The following API5 variants were observed in gnomAD, a reference collection of about 807,000 sequenced individuals.
API5 encodes FIF.
API5 carries 6 observed loss-of-function variants against 71.9 expected under a neutral mutation model. The observed-to-expected ratio is 0.08, with a 90% CI of 0.05 to 0.16. The LOEUF (loss-of-function observed/expected upper bound fraction) is 0.16. API5 is among the 10% of genes least tolerant of loss of function. The pLI is 1.00. For missense variants in API5, 332 were observed against 612.8 expected, an observed-to-expected ratio of 0.54 and a Z score of 4.84; for synonymous variants, 189 against 221.3, an observed-to-expected ratio of 0.85 and a Z score of 1.30.
intron 11 of API5, among the ~76,000 whole-genome samples, chr11:43,332,660 A>G (rs893760760): frequency 6.6e-6 from 1 of 151,990 alleles, no homozygotes; most frequent in African/African-American, 2.4e-5. Context: ...TTCATATTCC[A>G]TCCTGGAACA....
intron 5 of API5, among the ~76,000 whole-genome samples, chr11:43,322,585 C>T (rs1328307192): frequency 1.3e-5 from 2 of 152,202 alleles, no homozygotes; most frequent in African/African-American, 4.8e-5. Context: ...TTGCTCCCAG[C>T]ATCTAGCATA....
intron 13 of API5, among the ~76,000 whole-genome samples, chr11:43,337,007 CAAAAAA>C (rs559170436): frequency 1.5e-5 from 1 of 66,860 alleles, no homozygotes; most frequent in East Asian, 5.6e-4. Flanking sequence ...GACTCCGTCT[CAAAAAA>C]AAAAAAAAAA....
chr11:43,334,854 A>G (rs769054167), intron 11 of API5, among the ~76,000 whole-genome samples: 6 of 152,140 alleles, frequency 3.9e-5, no homozygotes, highest in Non-Finnish European at 8.8e-5. Context: ...TGCTGGCAGT[A>G]AAGCTTTAGA....
At chr11:43,320,076 T>C (rs185877333) in intron 2 of API5, among the ~76,000 whole-genome samples, 1 of 149,104 alleles carries the variant, frequency 6.7e-6, no homozygotes, top group Non-Finnish European at 1.5e-5. Flanking sequence ...GAAGGAGCCT[T>C]ACTCTATTGG....
At chr11:43,326,059 C>T (rs1855061176) in intron 6 of API5, among the ~76,000 whole-genome samples, 1 of 152,120 alleles carries the variant, frequency 6.6e-6, no homozygotes, top group Non-Finnish European at 1.5e-5. Flanking sequence ...TAGGCATCCA[C>T]CTTAAAGTCC....
At chr11:43,331,186 G>A (rs1855240847) in intron 11 of API5, 1 of 152,590 alleles carries the variant, frequency 6.6e-6, no homozygotes, top group Non-Finnish European at 1.5e-5. Context: ...AATAATTATA[G>A]TTGACCCTTG....
chr11:43,314,777 T>C (rs1854612836), intron 1 of API5, among the ~76,000 whole-genome samples: 1 of 152,234 alleles, frequency 6.6e-6, no homozygotes, highest in Non-Finnish European at 1.5e-5. Flanking sequence ...CTACTAATTC[T>C]GCTCTGTTGG....
At chr11:43,316,304 A>G (rs1328616946) in intron 1 of API5, among the ~76,000 whole-genome samples, 1 of 152,194 alleles carries the variant, frequency 6.6e-6, no homozygotes, top group Admixed American at 6.5e-5. Context: ...TAGACCTTCA[A>G]TAAATATTGT....
intron 7 of API5, among the ~76,000 whole-genome samples, 160 bp downstream of exon 7, chr11:43,326,771 CTTCATGGA>C (rs1855090822): frequency 6.6e-6 from 1 of 152,204 alleles, no homozygotes; most frequent in African/African-American, 2.4e-5. Flanking sequence ...ATTAGGACTG[CTTCATGGA>C]TTCAATTAAA....
chr11:43,327,917 A>G (rs763015663), intron 8 of API5, 39 bp downstream of exon 8: 3 of 1,299,836 alleles, frequency 2.3e-6, no homozygotes, highest in South Asian at 2.7e-5. Flanking sequence ...TAGTCAGTAT[A>G]TAGCTCAAAG....
intron 11 of API5, among the ~76,000 whole-genome samples, chr11:43,333,579 ATGAC>A (rs1429705535): frequency 6.6e-6 from 1 of 152,226 alleles, no homozygotes; most frequent in Non-Finnish European, 1.5e-5. Context: ...AGATAGATAT[ATGAC>A]TGGCTACTAT....
intron 13 of API5, among the ~76,000 whole-genome samples, chr11:43,339,831 C>T (rs141923300): frequency 2.9e-4 from 44 of 152,134 alleles, no homozygotes; most frequent in Non-Finnish European, 4.4e-4. Flanking sequence ...ACCTGATTTT[C>T]GAAATTGATT....
At chr11:43,318,409 A>G (rs1263973840) in intron 1 of API5, 1 of 1,528,708 alleles carries the variant, frequency 6.5e-7, no homozygotes, top group East Asian at 2.4e-5. Flanking sequence ...TGCTTTTTCC[A>G]CTTAAAATTA....
At chr11:43,319,612 C>T (rs962594306) in intron 2 of API5, among the ~76,000 whole-genome samples, 3 of 152,058 alleles carry the variant, frequency 2.0e-5, no homozygotes, top group Admixed American at 2.0e-4. Flanking sequence ...AGGGTCTTGC[C>T]ATGTTGTCCA....
chr11:43,323,774 T>A, intron 6 of API5, 138 bp downstream of exon 6: 1 of 830,384 alleles, frequency 1.2e-6, no homozygotes, highest in Non-Finnish European at 1.8e-6. Flanking sequence ...TGTATTCAGA[T>A]TTTTGAATAT....
At chr11:43,340,051 A>G (rs1306077845) in intron 13 of API5, among the ~76,000 whole-genome samples, 2 of 152,032 alleles carry the variant, frequency 1.3e-5, no homozygotes, top group Admixed American at 1.3e-4. Context: ...AAAACTAAAG[A>G]CTCTACCAAA....
Position 43,340,908 on chromosome 11 carries a change from G to C in API5, c.1493-1520G>C, listed in dbSNP as rs139955002. 4.5e-3 allele frequency among the ~76,000 whole-genome samples: 689 copies of C among 152,198 alleles called. 5 individuals are homozygous for C. Among genetic ancestry groups the C allele is most frequent in the African/African-American group, 0.016 (651 of 41,534 alleles). On this transcript the variant is annotated intron_variant, in intron 13 of 13. Coordinates refer to ENST00000531273, the MANE Select transcript of API5 (RefSeq NM_001142930.2). ...AAGATTTTATGACTGAGACCTAAAAGCACAGGCAACAAAAACATGGGATCA... is the reference window on the plus strand; with the variant it reads ...AAGATTTTATGACTGAGACCTAAAACCACAGGCAACAAAAACATGGGATCA...
Position 43,344,058 on chromosome 11 carries a change from A to G in API5, c.*1548A>G, listed in dbSNP as rs1855707530. Reference sequence around the variant, plus strand: ...CTATGGAGTGGTGGCAATAATCTCTAAACATTCCAAAAGACCATGAGCTGA... The same window carrying G: ...CTATGGAGTGGTGGCAATAATCTCTGAACATTCCAAAAGACCATGAGCTGA... On this transcript the variant is annotated 3_prime_UTR_variant, in exon 14 of 14. Coordinates refer to ENST00000531273, the MANE Select transcript of API5 (RefSeq NM_001142930.2). The G allele has an allele frequency of 6.6e-6, 1 of 152,642 alleles. No individual in the cohort carries two copies. The highest frequency in any genetic ancestry group is 2.4e-5 in the African/African-American group (1 of 41,452). 9.5% of individuals were successfully genotyped at this position (152,642 alleles called of 1,614,324 possible). A position where few individuals can be genotyped will look rare whatever the true frequency, so the allele number is the denominator to read the frequency against.
intron 11 of API5, among the ~76,000 whole-genome samples, chr11:43,335,038 A>G (rs1485754004): frequency 1.3e-5 from 2 of 152,188 alleles, no homozygotes; most frequent in East Asian, 3.8e-4. Context: ...TTTATCCTGA[A>G]ATGTATACTG....
Sources: allele counts gnomAD v4.1 joint callset (sites outside exome capture counted in the v4.1 genomes callset), GRCh38; gene constraint gnomAD v4.1.1; transcripts MANE v1.5; gene names NCBI Gene and HGNC (gene_info 2026-07-23, HGNC 2026-07-21).